Variants in RXFP1 observed in about 807,000 individuals in gnomAD.
The protein encoded by RXFP1 is relaxin family peptide receptor 1.
Under a neutral mutation model 89.8 loss-of-function variants are expected in RXFP1, and 73 were observed. The ratio of observed to expected loss-of-function variants is 0.81; its 90% confidence interval spans 0.67 to 0.99. The LOEUF (loss-of-function observed/expected upper bound fraction) is 0.99, where lower values mean the gene tolerates loss of function less well. RXFP1 is among the 50% of genes least tolerant of loss of function. RXFP1 has a pLI of 0.00. For missense variants in RXFP1, 793 were observed against 895.5 expected, an observed-to-expected ratio of 0.89 and a Z score of 1.46; for synonymous variants, 277 against 305.5, an observed-to-expected ratio of 0.91 and a Z score of 0.97.
At chr4:158,651,687 C>A in intron 17 of RXFP1, 70 bp from the exon 18 acceptor site, 5 of 1,228,494 alleles carry the variant, frequency 4.1e-6, no homozygotes, top group South Asian at 3.4e-5. Flanking sequence ...ATGAAAGAAA[C>A]AGGGAAATTG....
intron 6 of RXFP1, among the ~76,000 whole-genome samples, chr4:158,611,765 A>G (rs1488909465): frequency 6.6e-6 from 1 of 152,180 alleles, no homozygotes; most frequent in East Asian, 1.9e-4. Context: ...ACCATGCATT[A>G]TATACTTCCC....
At chr4:158,555,274 A>T (rs1338330549) in intron 1 of RXFP1, among the ~76,000 whole-genome samples, 3 of 152,240 alleles carry the variant, frequency 2.0e-5, no homozygotes, top group Non-Finnish European at 4.4e-5. Flanking sequence ...GTCACTAAGA[A>T]CTTAGTTCCC....
At chr4:158,599,131 T>C (rs965479444) in intron 3 of RXFP1, 195 bp from the exon 4 acceptor site, 2 of 726,846 alleles carry the variant, frequency 2.8e-6, no homozygotes, top group African/African-American at 3.5e-5. Flanking sequence ...GTTGATGCTC[T>C]ACCATCATTT....
chr4:158,621,132 T>C (rs1196616057), intron 9 of RXFP1, among the ~76,000 whole-genome samples: 1 of 151,338 alleles, frequency 6.6e-6, no homozygotes, highest in Non-Finnish European at 1.5e-5. Context: ...TGAGACTCTG[T>C]CTCAAAAAAA....
At chr4:158,572,638 C>G in intron 1 of RXFP1, 60 bp from the exon 2 acceptor site, 2 of 1,480,766 alleles carry the variant, frequency 1.4e-6, no homozygotes, top group Non-Finnish European at 1.9e-6. Context: ...AGAAACTGCT[C>G]TTTGCCACGC....
chr4:158,652,716 T>TC lies in RXFP1; in HGVS notation c.*662dup, dbSNP rs1317096584. Reference sequence around the variant, plus strand: ...TCTTTTGGCACTTCCTGCCCAGTTTTCTCTTTGCTTTAAATGAACATCATC... The same window carrying TC: ...TCTTTTGGCACTTCCTGCCCAGTTTTCCTCTTTGCTTTAAATGAACATCATC... On this transcript the variant is annotated 3_prime_UTR_variant, in exon 18 of 18. Coordinates refer to ENST00000307765, the MANE Select transcript of RXFP1 (RefSeq NM_021634.4). 5 of 152,230 alleles carry TC rather than the reference T, an allele frequency of 3.3e-5. No homozygotes were observed. The highest frequency in any genetic ancestry group is 7.2e-5 in the African/African-American group (3 of 41,454). The allele number at this position is 152,230 out of a possible 1,614,324, so 9.4% of individuals were successfully genotyped here.
Position 158,590,800 on chromosome 4 carries a change from A to T in RXFP1, c.188-2601A>T, listed in dbSNP as rs570601603. On this transcript the variant is annotated intron_variant, in intron 2 of 17. Transcript: ENST00000307765. ...CTTCTGGAAGGAGGAAACAGAAACC[A>T]CTCTAGATATTTTTGGGAAAGAGAA... Among the ~76,000 whole-genome samples, 8 of 152,214 alleles carry T rather than the reference A, an allele frequency of 5.3e-5. No homozygotes were observed. In the South Asian group the frequency reaches 1.7e-3, roughly 32 times the overall value.
intron 9 of RXFP1, among the ~76,000 whole-genome samples, chr4:158,624,706 CA>C (rs1482166931): frequency 6.6e-6 from 1 of 152,070 alleles, no homozygotes; most frequent in East Asian, 1.9e-4. Context: ...AGGTATGCTG[CA>C]AACCAGATCC....
chr4:158,579,543 C>T (rs1472590504), intron 2 of RXFP1, among the ~76,000 whole-genome samples: 4 of 152,206 alleles, frequency 2.6e-5, no homozygotes, highest in Admixed American at 6.5e-5. Context: ...GGATTACAGG[C>T]GTGAGCCACC....
chr4:158,638,914 G>T (rs1027079014), intron 13 of RXFP1, among the ~76,000 whole-genome samples: 2 of 151,854 alleles, frequency 1.3e-5, no homozygotes, highest in Non-Finnish European at 2.9e-5. Flanking sequence ...AAATTACTAG[G>T]AAATTTTCAA....
chr4:158,550,446 T>C (rs576839890), intron 1 of RXFP1, among the ~76,000 whole-genome samples: 1 of 152,226 alleles, frequency 6.6e-6, no homozygotes, highest in Non-Finnish European at 1.5e-5. Context: ...CCTGGTGCGC[T>C]GCACCCAGTG....
chr4:158,616,248 C>A (rs1343187547), intron 8 of RXFP1, among the ~76,000 whole-genome samples: 2 of 151,916 alleles, frequency 1.3e-5, no homozygotes, highest in Non-Finnish European at 2.9e-5. Flanking sequence ...ATGGTGAAAC[C>A]CCATCTCCAC....
Position 158,646,619 on chromosome 4 carries a change from G to T in RXFP1, c.1346-172G>T, listed in dbSNP as rs1274108945. 2.1e-6 allele frequency: 3 copies of T among 1,415,818 alleles called. No homozygotes were observed. The African/African-American group carries it at 4.3e-5, about 20-fold the overall frequency. 87.7% of individuals were successfully genotyped at this position (1,415,818 alleles called of 1,614,324 possible). ...ACTTTGAGAGTGGTTACCAAAGAGA[G>T]TCTATGAATAGATCCTCATCTGTAA... On this transcript the variant is annotated intron_variant, in intron 15 of 17. Coordinates refer to ENST00000307765, the MANE Select transcript of RXFP1 (RefSeq NM_021634.4).
chr4:158,623,749 G>C (rs1561151456), intron 9 of RXFP1, among the ~76,000 whole-genome samples: 1 of 152,078 alleles, frequency 6.6e-6, no homozygotes, highest in Non-Finnish European at 1.5e-5. Context: ...GACTAGGGAG[G>C]TCGAAGTATT....
intron 14 of RXFP1, among the ~76,000 whole-genome samples, chr4:158,641,772 G>C (rs1056135317): frequency 6.6e-6 from 1 of 152,064 alleles, no homozygotes; most frequent in African/African-American, 2.4e-5. Context: ...AGTTCAATTT[G>C]CATATTTAGT....
chr4:158,626,116 A>ATAGG (rs1554019443), intron 9 of RXFP1, among the ~76,000 whole-genome samples: 4 of 23,844 alleles, frequency 1.7e-4, no homozygotes, highest in Non-Finnish European at 4.2e-4. Context: ...ATCTATATAG[A>ATAGG]TAGATAGATA....
Position 158,626,816 on chromosome 4 carries a change from C to A in RXFP1, c.756-4C>A. The A allele has an allele frequency of 6.5e-7, 1 of 1,538,678 alleles. No homozygotes were observed. The highest frequency in any genetic ancestry group is 8.9e-7 in the Non-Finnish European group (1 of 1,128,130). On this transcript the variant is annotated splice_polypyrimidine_tract_variant and splice_region_variant and intron_variant, in intron 9 of 17. Transcript: ENST00000307765. ...AGCTGTATCGTTTTATTTTTATGTT[C>A]CAGGGACCTTGAAGGCAACCATATC...
At chr4:158,651,709 C>T (rs756616099) in intron 17 of RXFP1, 48 bp from the exon 18 acceptor site, 19 of 1,461,180 alleles carry the variant, frequency 1.3e-5, no homozygotes, top group Non-Finnish European at 1.7e-5. Flanking sequence ...GTTTCTATAC[C>T]TTGTAAACAT....
chr4:158,597,740 T>G (rs1760915193), intron 3 of RXFP1, among the ~76,000 whole-genome samples: 1 of 152,172 alleles, frequency 6.6e-6, no homozygotes, highest in Non-Finnish European at 1.5e-5. Flanking sequence ...AACGCTAATT[T>G]CACTGCCCTC....
Sources: allele counts gnomAD v4.1 joint callset (sites outside exome capture counted in the v4.1 genomes callset), GRCh38; gene constraint gnomAD v4.1.1; transcripts MANE v1.5; gene names NCBI Gene and HGNC (gene_info 2026-07-23, HGNC 2026-07-21).